The following PIEZO2 variants were observed in gnomAD, a reference collection of about 807,000 sequenced individuals.
PIEZO2 encodes piezo-type mechanosensitive ion channel component 2.
In PIEZO2, 172 loss-of-function variants were observed where a neutral mutation model predicts 337.3. The observed-to-expected ratio is 0.51, with a 90% CI of 0.45 to 0.58. PIEZO2 has a LOEUF of 0.58. PIEZO2 is among the 20% of genes least tolerant of loss of function. PIEZO2 has a pLI of 0.00. For missense variants in PIEZO2, 3,028 were observed against 3,391.3 expected, an observed-to-expected ratio of 0.89 and a Z score of 2.66; for synonymous variants, 1,251 against 1,228.5, an observed-to-expected ratio of 1.02 and a Z score of -0.38.
chr18:10,907,488 T>A (rs568576550), intron 4 of PIEZO2, among the ~76,000 whole-genome samples: 8 of 151,420 alleles, frequency 5.3e-5, no homozygotes, highest in Non-Finnish European at 7.4e-5. Context: ...CATGTTGAGA[T>A]GAAAGCACTG....
At chr18:10,915,486 T>C (rs1413925031) in intron 3 of PIEZO2, among the ~76,000 whole-genome samples, 1 of 152,152 alleles carries the variant, frequency 6.6e-6, no homozygotes, top group Non-Finnish European at 1.5e-5. Flanking sequence ...TTTTAGGTAG[T>C]AAGGAAAGCA....
At chr18:11,008,913 A>G (rs2035805277) in intron 2 of PIEZO2, among the ~76,000 whole-genome samples, 1 of 152,210 alleles carries the variant, frequency 6.6e-6, no homozygotes, top group Non-Finnish European at 1.5e-5. Flanking sequence ...AATATTTTGG[A>G]GTCCTCCTGA....
At chr18:11,012,899 C>T (rs563545566) in intron 2 of PIEZO2, among the ~76,000 whole-genome samples, 132 of 152,138 alleles carry the variant, frequency 8.7e-4, no homozygotes, top group African/African-American at 3.1e-3. Context: ...TAAAAATTAG[C>T]CAGGCATGAT....
In PIEZO2 at chr18:10,857,117, G is replaced by T; in HGVS notation, c.587C>A (p.Thr196Lys). 1 of 1,537,764 alleles carries T rather than the reference G, an allele frequency of 6.5e-7. No individual in the cohort carries two copies. The highest frequency in any genetic ancestry group is 8.7e-7 in the Non-Finnish European group (1 of 1,147,034). ...AAGCCTGCGGAACATTTTTAACTTCGTGCTTTCTTCCAACTCGCCTTCAAC... is the reference window on the plus strand; with the variant it reads ...AAGCCTGCGGAACATTTTTAACTTCTTGCTTTCTTCCAACTCGCCTTCAAC... ...DGVEGELEES[T>K]KLKMFRRLAS... Residue 196 changes from threonine (T) to lysine (K), a missense_variant, in exon 6 of 56, where the codon ACG becomes AAG. Thr to Lys is a moderately conservative substitution (Grantham distance 78). Transcript: ENST00000674853.
chr18:10,733,094 G>A (rs2036851511), intron 35 of PIEZO2, among the ~76,000 whole-genome samples: 1 of 152,146 alleles, frequency 6.6e-6, no homozygotes, highest in African/African-American at 2.4e-5. Context: ...GAAAAGGGAT[G>A]TGAAGGGTGG....
At chr18:11,018,728 A>G (rs900644977) in intron 2 of PIEZO2, among the ~76,000 whole-genome samples, 2 of 152,154 alleles carry the variant, frequency 1.3e-5, no homozygotes, top group East Asian at 1.9e-4. Flanking sequence ...AGGAACAGAA[A>G]TGATGTCTCC....
At position 10,764,075 on chromosome 18, in the gene PIEZO2, C is replaced by T. The variant is rs537924666; in HGVS notation, c.2947-977G>A. ...GTTGACTTTGGGCTGCATGCGAGTTCGTTGATCAGGCCAGATGTTCCCACA... is the reference window on the plus strand; with the variant it reads ...GTTGACTTTGGGCTGCATGCGAGTTTGTTGATCAGGCCAGATGTTCCCACA... On this transcript the variant is annotated intron_variant, in intron 21 of 55. Transcript: ENST00000674853. 3.2e-4 allele frequency among the ~76,000 whole-genome samples: 49 copies of T among 152,240 alleles called. No homozygotes were observed. The South Asian group carries it at 3.3e-3, about 10-fold the overall frequency.
rs1054081387 is a variant in PIEZO2 at position 10,775,732 on chromosome 18, C to A, written c.2535-1694G>T. On this transcript the variant is annotated intron_variant, in intron 18 of 55. Coordinates refer to ENST00000674853, the MANE Select transcript of PIEZO2 (RefSeq NM_001378183.1). This position sits in a 1 kb window ranked among gnomAD's most constrained non-coding sequence, Gnocchi z 4.3. ...AATCAGAGGAAGACACTGGAGTAAG[C>A]CTTTTGGAAGTAGGTCCACAAGGCT... Among the ~76,000 whole-genome samples, 4 of 152,054 alleles carry A rather than the reference C, an allele frequency of 2.6e-5. No individual in the cohort carries two copies. The highest frequency in any genetic ancestry group is 7.2e-5 in the African/African-American group (3 of 41,404).
rs2040898947 is a variant in PIEZO2 at position 10,833,127 on chromosome 18, T to A, written c.917+22226A>T. Among the ~76,000 whole-genome samples, 2 of 151,956 alleles carry A rather than the reference T, an allele frequency of 1.3e-5. No individual in the cohort carries two copies. Among genetic ancestry groups the A allele is most frequent in the African/African-American group, 4.8e-5 (2 of 41,360 alleles). ...TCAGCCCCAGAAGAGCAAGTGTGGCTTTTCCTGGCAGAGAGGCAGCAACAC... is the reference window on the plus strand; with the variant it reads ...TCAGCCCCAGAAGAGCAAGTGTGGCATTTCCTGGCAGAGAGGCAGCAACAC... On this transcript the variant is annotated intron_variant, in intron 7 of 55. Coordinates refer to ENST00000674853, the MANE Select transcript of PIEZO2 (RefSeq NM_001378183.1). This position sits in a 1 kb window ranked among gnomAD's most constrained non-coding sequence, Gnocchi z 4.7.
chr18:10,917,029 C>T (rs1036285970), intron 3 of PIEZO2, among the ~76,000 whole-genome samples: 1 of 152,152 alleles, frequency 6.6e-6, no homozygotes, highest in Non-Finnish European at 1.5e-5. Context: ...CTTCCTTGCA[C>T]ACGACCTTCC....
chr18:11,102,447 C>A lies in PIEZO2; in HGVS notation c.65-36225G>T, dbSNP rs1010468746. ...GATTGAAGATCGAATCTCACCCTGT[C>A]CCCCACCAGGCTGGTGCAGTGGCAG... On this transcript the variant is annotated intron_variant, in intron 1 of 55. Transcript: ENST00000674853. This position sits in a 1 kb window ranked among gnomAD's most constrained non-coding sequence, Gnocchi z 5.7. Among the ~76,000 whole-genome samples the A allele has an allele frequency of 9.9e-5, 15 of 152,190 alleles. No individual in the cohort carries two copies. The highest frequency in any genetic ancestry group is 3.9e-4 in the Admixed American group (6 of 15,286).
chr18:11,108,831 T>C (rs2039650530), intron 1 of PIEZO2, among the ~76,000 whole-genome samples: 1 of 152,064 alleles, frequency 6.6e-6, no homozygotes, highest in Non-Finnish European at 1.5e-5. Context: ...GACCAGAGCT[T>C]GTTCCACTCT....
chr18:11,050,062 C>T (rs990513180), intron 2 of PIEZO2, among the ~76,000 whole-genome samples: 1 of 152,070 alleles, frequency 6.6e-6, no homozygotes, highest in African/African-American at 2.4e-5. Context: ...GTAGTGTATG[C>T]CCAATATAAG....
chr18:11,129,211 T>A lies in PIEZO2; in HGVS notation c.64+19314A>T, dbSNP rs2040268452. Among the ~76,000 whole-genome samples the A allele has an allele frequency of 6.6e-6, 1 of 152,082 alleles. No individual in the cohort carries two copies. The highest frequency in any genetic ancestry group is 2.4e-5 in the African/African-American group (1 of 41,388). Reference sequence around the variant, plus strand: ...TTGACCAATGCCTTGTGAAACAGATTTGTGAGGGCAGCACCTGCATCTTTG... The same window carrying A: ...TTGACCAATGCCTTGTGAAACAGATATGTGAGGGCAGCACCTGCATCTTTG... On this transcript the variant is annotated intron_variant, in intron 1 of 55. Coordinates refer to ENST00000674853, the MANE Select transcript of PIEZO2 (RefSeq NM_001378183.1). The surrounding 1 kb of genome is among the most constrained non-coding windows in gnomAD (Gnocchi z 4.6).
chr18:11,103,739 C>A (rs1001408245), intron 1 of PIEZO2, among the ~76,000 whole-genome samples: 1 of 152,016 alleles, frequency 6.6e-6, no homozygotes, highest in African/African-American at 2.4e-5. Flanking sequence ...TAAGTTTCAA[C>A]AAACTTTAAA....
chr18:11,040,879 A>G (rs1193108915), intron 2 of PIEZO2, among the ~76,000 whole-genome samples: 1 of 152,230 alleles, frequency 6.6e-6, no homozygotes, highest in Admixed American at 6.5e-5. Flanking sequence ...AACACTTAAA[A>G]TAAAAGATCA....
intron 4 of PIEZO2, among the ~76,000 whole-genome samples, chr18:10,910,076 G>A (rs1466632597): frequency 6.6e-6 from 1 of 152,152 alleles, no homozygotes; most frequent in African/African-American, 2.4e-5. Flanking sequence ...TACTTTAAGT[G>A]CTCTGTCAGC....
chr18:10,719,449 G>A (rs137918790), intron 36 of PIEZO2, among the ~76,000 whole-genome samples: 2,863 of 152,298 alleles, frequency 0.019, 39 homozygotes, highest in Non-Finnish European at 0.028. Context: ...GTGAGAACAT[G>A]AGATATTTGA....
intron 3 of PIEZO2, among the ~76,000 whole-genome samples, chr18:10,949,746 C>G (rs2033202686): frequency 6.6e-6 from 1 of 152,204 alleles, no homozygotes; most frequent in Non-Finnish European, 1.5e-5. Flanking sequence ...TCTAAGAAGT[C>G]ATTATCAGAT....
Sources: gnomAD v4.1 joint callset for allele counts (sites outside exome capture counted in the v4.1 genomes callset) on GRCh38, gnomAD v4.1.1 for gene constraint, Gnocchi (gnomAD v3.1) non-coding constraint, MANE v1.5 for transcripts, NCBI Gene and HGNC (gene_info 2026-07-23, HGNC 2026-07-21) for gene names.